Variants in GABRA1 observed in about 807,000 individuals in gnomAD.
GABRA1 encodes gamma-aminobutyric acid type A receptor subunit alpha1.
Under a neutral mutation model 48.9 loss-of-function variants are expected in GABRA1, and 9 were observed. The ratio of observed to expected loss-of-function variants is 0.18; its 90% CI spans 0.11 to 0.32. The LOEUF is 0.32. Among genes scored for constraint, GABRA1 ranks in the 10% least tolerant of loss-of-function variants. GABRA1 has a pLI of 1.00. For missense variants in GABRA1, 285 were observed against 553.8 expected (o/e 0.51, Z 4.87); for synonymous variants, 210 against 198.7 (o/e 1.06, Z -0.48).
intron 7 of GABRA1, among the ~76,000 whole-genome samples, chr5:161,887,553 C>A (rs190533998): frequency 5.6e-4 from 86 of 152,242 alleles, no homozygotes; most frequent in Non-Finnish European, 1.1e-3. Context: ...GTCCCCTTAT[C>A]TCTATTTAGA....
chr5:161,890,188 T>C (rs891654783), intron 7 of GABRA1, among the ~76,000 whole-genome samples: 2 of 152,054 alleles, frequency 1.3e-5, no homozygotes, highest in African/African-American at 4.8e-5. Context: ...TAGACCACTG[T>C]TTCCCAGATC....
At chr5:161,893,048 T>TAATAATAAAAAAA (rs5872733) in intron 8 of GABRA1, among the ~76,000 whole-genome samples, 17 of 141,994 alleles carry the variant, frequency 1.2e-4, no homozygotes, top group South Asian at 2.2e-4. Flanking sequence ...ATAATAATAA[T>TAATAATAAAAAAA]AAAATAAACA....
At chr5:161,881,258 A>T (rs1238801736) in intron 6 of GABRA1, among the ~76,000 whole-genome samples, 1 of 152,142 alleles carries the variant, frequency 6.6e-6, no homozygotes, top group African/African-American at 2.4e-5. Flanking sequence ...TATTTTCTTT[A>T]ATGTTTAACC....
intron 2 of GABRA1, 98 bp downstream of exon 2, chr5:161,850,982 A>C (rs142947458): frequency 2.0e-6 from 2 of 995,522 alleles, no homozygotes; most frequent in Non-Finnish European, 3.2e-6. Flanking sequence ...TTTATGACTA[A>C]GGGAATTCAG....
Position 161,875,554 on chromosome 5 carries a change from C to A in GABRA1, c.477-6C>A. ...GCTCTTGTTTGTATTCTATGTTTCCCTTAAGGCTGACAGTGAGAGCTGAAT... is the reference window on the plus strand; with the variant it reads ...GCTCTTGTTTGTATTCTATGTTTCCATTAAGGCTGACAGTGAGAGCTGAAT... On this transcript the variant is annotated splice_region_variant and splice_polypyrimidine_tract_variant and intron_variant, in intron 5 of 9. Transcript: ENST00000393943. The A allele has an allele frequency of 6.2e-7, 1 of 1,611,618 alleles. No individual in the cohort carries two copies. Among genetic ancestry groups the A allele is most frequent in the Non-Finnish European group, 8.5e-7 (1 of 1,177,920 alleles).
At chr5:161,896,730 G>C (rs1184943781) in intron 9 of GABRA1, among the ~76,000 whole-genome samples, 1 of 152,118 alleles carries the variant, frequency 6.6e-6, no homozygotes, top group East Asian at 1.9e-4. Flanking sequence ...GTTCTTTGTT[G>C]ATGCCCACTT....
chr5:161,848,907 G>A, intron 1 of GABRA1: 1 of 452,636 alleles, frequency 2.2e-6, no homozygotes, highest in Non-Finnish European at 4.4e-6. Context: ...GCACGCTCTT[G>A]TCCTGGCTGC....
At chr5:161,857,399 A>G (rs970717249) in intron 3 of GABRA1, among the ~76,000 whole-genome samples, 3 of 151,598 alleles carry the variant, frequency 2.0e-5, no homozygotes, top group African/African-American at 7.2e-5. Flanking sequence ...ATCAGAAGGT[A>G]TAGCACTGTT....
At chr5:161,892,251 T>A (rs1436954977) in intron 8 of GABRA1, among the ~76,000 whole-genome samples, 2 of 152,228 alleles carry the variant, frequency 1.3e-5, no homozygotes, top group Non-Finnish European at 2.9e-5. Flanking sequence ...CCTGCTGTTT[T>A]TAAGAGCTGT....
In GABRA1 at chr5:161,864,710, A is replaced by C. The variant is rs1447041615; in HGVS notation, c.188-1011A>C. 2.0e-5 allele frequency among the ~76,000 whole-genome samples: 3 copies of C among 151,954 alleles called. No individual in the cohort carries two copies. In the East Asian group the frequency reaches 5.8e-4, roughly 29 times the overall value. Reference sequence around the variant, plus strand: ...TTTAGCAAGACTTATTAACTCTTTAAGGACTCAAGAGTACATTTTATAAAT... The same window carrying C: ...TTTAGCAAGACTTATTAACTCTTTACGGACTCAAGAGTACATTTTATAAAT... On this transcript the variant is annotated intron_variant, in intron 3 of 9. Transcript: ENST00000393943.
intron 3 of GABRA1, among the ~76,000 whole-genome samples, chr5:161,860,096 T>A (rs1757795509): frequency 6.6e-6 from 1 of 151,846 alleles, no homozygotes; most frequent in African/African-American, 2.4e-5. Context: ...AAAAGGTAGT[T>A]ACCAAAACCC....
At chr5:161,847,364 A>G (rs1445228028), upstream of GABRA1, 1 of 152,150 alleles carries the variant, frequency 6.6e-6, no homozygotes, top group Non-Finnish European at 1.5e-5. Flanking sequence ...GATCGGAGTG[A>G]TTTATTAGTT....
chr5:161,873,889 C>T (rs1054995150), intron 5 of GABRA1, among the ~76,000 whole-genome samples: 1 of 152,128 alleles, frequency 6.6e-6, no homozygotes, highest in Non-Finnish European at 1.5e-5. Flanking sequence ...ATTTCCCTCT[C>T]TTTAAGATTG....
At chr5:161,889,948 T>A (rs866108280) in intron 7 of GABRA1, among the ~76,000 whole-genome samples, 1 of 152,082 alleles carries the variant, frequency 6.6e-6, no homozygotes, top group Non-Finnish European at 1.5e-5. Flanking sequence ...GAAAGATCAC[T>A]CTACATCAAA....
At chr5:161,859,865 A>G (rs1166539019) in intron 3 of GABRA1, among the ~76,000 whole-genome samples, 1 of 151,848 alleles carries the variant, frequency 6.6e-6, no homozygotes, top group Non-Finnish European at 1.5e-5. Context: ...GGTTTATCCA[A>G]TCTCTTGTTG....
intron 8 of GABRA1, among the ~76,000 whole-genome samples, chr5:161,895,019 T>C (rs1197727209): frequency 1.3e-5 from 2 of 149,774 alleles, no homozygotes; most frequent in East Asian, 2.0e-4. Flanking sequence ...TGTATTATTA[T>C]ATATATGTGT....
At position 161,890,651 on chromosome 5, in the gene GABRA1, T is replaced by C. The variant is rs41275317; in HGVS notation, c.704-247T>C. Among the ~76,000 whole-genome samples, 2,107 of 152,200 alleles carry C rather than the reference T, an allele frequency of 0.014. 49 individuals carry two copies. Among genetic ancestry groups the C allele is most frequent in the Middle Eastern group, 0.027 (8 of 294 alleles). ...ATTTGTTCCTCCAATATGTGATGTA[T>C]TTGAATTAAGAGGTAAGAATATCTT... On this transcript the variant is annotated intron_variant, in intron 7 of 9. Coordinates refer to ENST00000393943, the MANE Select transcript of GABRA1 (RefSeq NM_001127644.2).
At chr5:161,891,222 A>G (rs1035828404) in intron 8 of GABRA1, among the ~76,000 whole-genome samples, 172 bp downstream of exon 8, 2 of 152,192 alleles carry the variant, frequency 1.3e-5, no homozygotes, top group African/African-American at 4.8e-5. Context: ...TTTTAAAACT[A>G]TTTAACTAGC....
intron 6 of GABRA1, chr5:161,882,312 C>A: frequency 3.7e-6 from 2 of 539,692 alleles, no homozygotes; most frequent in Non-Finnish European, 6.6e-6. Flanking sequence ...CTACTGTATC[C>A]CCAGCACAGT....
Sources: gnomAD v4.1 joint callset for allele counts (sites outside exome capture counted in the v4.1 genomes callset) on GRCh38, gnomAD v4.1.1 for gene constraint, MANE v1.5 for transcripts, NCBI Gene and HGNC (gene_info 2026-07-23, HGNC 2026-07-21) for gene names.